PATJ: variants seen among roughly 807,000 people sequenced by gnomAD.
PATJ encodes the protein inaD-like protein.
Under a neutral mutation model 224.9 loss-of-function variants are expected in PATJ, and 190 were observed. That is an observed-to-expected ratio of 0.84 (90% confidence interval 0.75 to 0.95). The LOEUF is 0.95. Ranked by LOEUF, PATJ falls within the 40% of genes least tolerant of loss-of-function variation. The probability of loss-of-function intolerance (pLI) is 0.00; values close to 1 mark genes in which losing one functional copy is unlikely to be tolerated. For synonymous variants in PATJ, 769 were observed against 820.3 expected (o/e 0.94, Z 1.07); for missense variants, 2,121 against 2,270.3 (o/e 0.93, Z 1.34).
At position 61,749,155 on chromosome 1, in the gene PATJ, T is replaced by TA. The variant is rs545934668; in HGVS notation, c.-36+6600_-36+6601insA. Among the ~76,000 whole-genome samples, 83 of 151,734 alleles carry TA rather than the reference T, an allele frequency of 5.5e-4. 1 individual carries two copies. The highest frequency in any genetic ancestry group is 2.0e-3 in the African/African-American group (82 of 41,388). ...CACGCCCAGCTATTTTTTTTTTTTTTTTAAACAGAGTTTTGCTCTTGTTGC... is the reference window on the plus strand; with the variant it reads ...CACGCCCAGCTATTTTTTTTTTTTTTATTAAACAGAGTTTTGCTCTTGTTGC... On this transcript the variant is annotated intron_variant, in intron 1 of 43. Transcript: ENST00000642238.
intron 41 of PATJ, among the ~76,000 whole-genome samples, chr1:62,136,528 A>G (rs1666888826): frequency 6.9e-6 from 1 of 145,854 alleles, no homozygotes; most frequent in African/African-American, 2.6e-5. Context: ...CCCCATCTTA[A>G]GATGCCAGCT....
At chr1:61,871,414 C>CAT (rs1491532131) in intron 20 of PATJ, among the ~76,000 whole-genome samples, 1 of 108,716 alleles carries the variant, frequency 9.2e-6, no homozygotes, top group Non-Finnish European at 1.9e-5. Flanking sequence ...TATATATATA[C>CAT]ATATATATGT....
intron 17 of PATJ, among the ~76,000 whole-genome samples, chr1:61,838,745 C>T (rs547736091): frequency 2.6e-5 from 4 of 151,988 alleles, no homozygotes; most frequent in African/African-American, 9.7e-5. Context: ...AATTTCTTGC[C>T]AGTTTGTAGG....
chr1:61,931,780 T>A (rs1676062269), intron 27 of PATJ, among the ~76,000 whole-genome samples: 1 of 151,938 alleles, frequency 6.6e-6, no homozygotes, highest in Non-Finnish European at 1.5e-5. Context: ...GAAACCTAAA[T>A]GAAGAAGGAA....
chr1:62,120,729 C>T (rs1283443304), intron 37 of PATJ: 3 of 153,342 alleles, frequency 2.0e-5, no homozygotes, highest in South Asian at 2.1e-4. Context: ...TCTATTTTGG[C>T]AGGTTTCTGC....
At chr1:62,090,369 A>C (rs905388488) in intron 33 of PATJ, among the ~76,000 whole-genome samples, 3 of 152,154 alleles carry the variant, frequency 2.0e-5, no homozygotes, top group Non-Finnish European at 4.4e-5. Flanking sequence ...AGATTGAGTG[A>C]GATAACCTTG....
intron 27 of PATJ, among the ~76,000 whole-genome samples, chr1:61,978,367 G>A (rs1412661612): frequency 6.6e-6 from 1 of 151,848 alleles, no homozygotes; most frequent in Non-Finnish European, 1.5e-5. Flanking sequence ...CTAGGTTCAA[G>A]CGATTCTTCT....
chr1:62,125,263 AC>A (rs1231007553), intron 39 of PATJ, among the ~76,000 whole-genome samples: 2,574 of 62,734 alleles, frequency 0.041, 80 homozygotes, highest in Non-Finnish European at 0.061. Flanking sequence ...ACAAAAAAAA[AC>A]AAAAAAAAAA....
intron 26 of PATJ, 128 bp downstream of exon 26, chr1:61,914,792 AT>A (rs1039750541): frequency 8.2e-6 from 4 of 488,828 alleles, no homozygotes; most frequent in East Asian, 3.7e-5. Flanking sequence ...TATATTTATA[AT>A]TTTTTTCCCT....
chr1:61,910,732 C>T (rs1672515059), intron 25 of PATJ, among the ~76,000 whole-genome samples: 1 of 151,366 alleles, frequency 6.6e-6, no homozygotes, highest in Non-Finnish European at 1.5e-5. Context: ...TTTTTTCCCG[C>T]AGACAGGGTC....
chr1:61,807,517 CATTT>C (rs996421409), intron 13 of PATJ, among the ~76,000 whole-genome samples: 5 of 152,058 alleles, frequency 3.3e-5, no homozygotes, highest in African/African-American at 1.2e-4. Flanking sequence ...TTTTAAATTT[CATTT>C]ATTTATTACA....
chr1:61,960,922 T>C (rs1345556765), intron 27 of PATJ, among the ~76,000 whole-genome samples: 1 of 152,160 alleles, frequency 6.6e-6, no homozygotes, highest in African/African-American at 2.4e-5. Context: ...GATGGAAGGA[T>C]TGGTATCTTG....
intron 21 of PATJ, among the ~76,000 whole-genome samples, chr1:61,877,852 T>C (rs76078527): frequency 0.074 from 11,199 of 152,330 alleles, 496 homozygotes; most frequent in South Asian, 0.16. Context: ...TTCTAACCTC[T>C]GTACCCCTGT....
At chr1:61,844,750 T>C (rs2148853316) in intron 17 of PATJ, among the ~76,000 whole-genome samples, 1 of 152,222 alleles carries the variant, frequency 6.6e-6, no homozygotes, top group Non-Finnish European at 1.5e-5. Context: ...AATTGGATCA[T>C]GGGGATGGTT....
chr1:62,040,730 G>A (rs1651325074), intron 30 of PATJ, among the ~76,000 whole-genome samples: 1 of 152,106 alleles, frequency 6.6e-6, no homozygotes, highest in African/African-American at 2.4e-5. Context: ...GAGTTAGAAG[G>A]TTGGGTTTTA....
intron 21 of PATJ, among the ~76,000 whole-genome samples, chr1:61,881,480 C>T (rs550936606): frequency 2.1e-4 from 31 of 146,252 alleles, no homozygotes; most frequent in African/African-American, 7.7e-4. Flanking sequence ...GGCATGATGT[C>T]GGCTCTGTGC....
chr1:62,159,558 T>C (rs1189526681), intron 43 of PATJ, among the ~76,000 whole-genome samples: 1 of 15,526 alleles, frequency 6.4e-5, no homozygotes, highest in Admixed American at 1.1e-3. Flanking sequence ...TCGAATACTT[T>C]TTTTTTTTTT....
chr1:61,949,605 T>C (rs1406489191), intron 27 of PATJ, among the ~76,000 whole-genome samples: 4 of 152,198 alleles, frequency 2.6e-5, no homozygotes, highest in Admixed American at 2.0e-4. Flanking sequence ...AGGTTGTAAA[T>C]TACTTCCAAG....
At chr1:61,954,752 A>ATTTTTT (rs373997284) in intron 27 of PATJ, among the ~76,000 whole-genome samples, 1 of 112,310 alleles carries the variant, frequency 8.9e-6, no homozygotes. Flanking sequence ...GCCAAACTCT[A>ATTTTTT]TTGTTTTTTT....
Sources: allele counts gnomAD v4.1 joint callset (sites outside exome capture counted in the v4.1 genomes callset), GRCh38; gene constraint gnomAD v4.1.1; transcripts MANE v1.5; gene names NCBI Gene and HGNC (gene_info 2026-07-23, HGNC 2026-07-21).